The following OR4C12 variants were observed in gnomAD, a reference collection of about 807,000 sequenced individuals.
OR4C12 encodes the protein olfactory receptor family 4 subfamily C member 12.
Under a neutral mutation model 12.3 loss-of-function variants are expected in OR4C12, and 11 were observed. The ratio of observed to expected loss-of-function variants is 0.89; its 90% confidence interval spans 0.56 to 1.48. The LOEUF is 1.48. Among genes scored for constraint, OR4C12 ranks in the 40% most tolerant of loss-of-function variants. The probability of loss-of-function intolerance (pLI) is 0.00; values close to 1 mark genes in which losing one functional copy is unlikely to be tolerated. For missense variants in OR4C12, 414 were observed against 365.8 expected, an observed-to-expected ratio of 1.13 and a Z score of -1.08; for synonymous variants, 138 against 133.2, an observed-to-expected ratio of 1.04 and a Z score of -0.25.
At position 49,982,220 on chromosome 11, in the gene OR4C12, C is replaced by T; in HGVS notation, c.282G>A (p.Gly94=). ...GTTCTGCATAGGCTTGAGCCATACA[C>T]CCATTAAAGGAGATGATTTTCTTCT... ...FQEKKIISFN[G]CMAQAYAEHI... Residue 94 remains glycine (G), a synonymous_variant, in exon 1 of 1, where the codon GGG becomes GGA. Coordinates refer to ENST00000335238, the MANE Select transcript of OR4C12 (RefSeq NM_001005270.4). 1 of 1,614,070 alleles carries T rather than the reference C, an allele frequency of 6.2e-7. No homozygotes were observed. Among genetic ancestry groups the T allele is most frequent in the Non-Finnish European group, 8.5e-7 (1 of 1,179,966 alleles).
At position 49,981,697 on chromosome 11, in the gene OR4C12, C is replaced by G. The variant is rs144357945; in HGVS notation, c.805G>C (p.Val269Leu). The change falls in exon 1 of 1, where the codon GTT (valine) becomes CTT (leucine). Residue 269 changes from valine (V) to leucine (L), a missense_variant. By Grantham distance (32) the Val-to-Leu change is conservative. Coordinates refer to ENST00000335238, the MANE Select transcript of OR4C12 (RefSeq NM_001005270.4). ...ACCACCATAGTATAAAATACAGCAA[C>G]AGCTTTATCAATGGGCAGAGTGGTC... is the stretch of plus-strand genomic sequence containing the variant. The part of the protein sequence containing the change: ...SVTTLPIDKA[V>L]AVFYTMVVPM... 33 of 1,613,470 alleles carry G rather than the reference C, an allele frequency of 2.0e-5. No homozygotes were observed. In the Middle Eastern group the frequency reaches 4.9e-4, roughly 24 times the overall value.
At position 49,982,194 on chromosome 11, in the gene OR4C12, T is replaced by C; in HGVS notation, c.308A>G (p.His103Arg). 2 of 1,614,122 alleles carry C rather than the reference T, an allele frequency of 1.2e-6. No individual in the cohort carries two copies. Among genetic ancestry groups the C allele is most frequent in the Non-Finnish European group, 1.7e-6 (2 of 1,179,984 alleles). ...NGCMAQAYAE[H>R]IFGATEIILL... ...GATGATCTCAGTAGCACCAAAAATG[T>C]GTTCTGCATAGGCTTGAGCCATACA... Residue 103 changes from histidine (H) to arginine (R), a missense_variant, in exon 1 of 1, where the codon CAC becomes CGC. By Grantham distance (29) the His-to-Arg change is conservative. Transcript: ENST00000335238.
In OR4C12 at chr11:49,981,647, G is replaced by A; in HGVS notation, c.855C>T (p.Tyr285=). The A allele has an allele frequency of 6.2e-7, 1 of 1,613,746 alleles. No homozygotes were observed. The highest frequency in any genetic ancestry group is 8.5e-7 in the Non-Finnish European group (1 of 1,179,788). The part of the protein sequence containing the change: ...MVVPMLNPVV[Y]TLRNAEVKSA... ...TTTTTACCTCAGCATTTCTGAGTGTGTAGACCACGGGATTTAACATTGGGA... is the reference window on the plus strand; with the variant it reads ...TTTTTACCTCAGCATTTCTGAGTGTATAGACCACGGGATTTAACATTGGGA... Residue 285 remains tyrosine, a synonymous_variant, in exon 1 of 1, where the codon TAC becomes TAT. Transcript: ENST00000335238.
In OR4C12 at chr11:49,981,811, T is replaced by C; in HGVS notation, c.691A>G (p.Arg231Gly). 6.2e-7 allele frequency: 1 copy of C among 1,612,448 alleles called. No individual in the cohort carries two copies. Among genetic ancestry groups the C allele is most frequent in the Non-Finnish European group, 8.5e-7 (1 of 1,178,800 alleles). Residue 231 changes from arginine to glycine, a missense_variant, in exon 1 of 1, where the codon AGG (arginine) becomes GGG (glycine). Transcript: ENST00000335238. ...RSLKNNSLEG[R>G]CKALSTCISH... ...ATACAGGTGGAGAGGGCTTTACACC[T>C]CCCCTCCAAGCTATTGTTCTTTAAA... is the stretch of plus-strand genomic sequence containing the variant.
At position 49,982,434 on chromosome 11, in the gene OR4C12, T is replaced by G; in HGVS notation, c.68A>C (p.Lys23Thr). The change falls in exon 1 of 1, where the codon AAA (lysine) becomes ACA (threonine). Residue 23 changes from lysine to threonine, a missense_variant. Transcript: ENST00000335238. Reference sequence around the variant, plus strand: ...AACCAAAAATACTACAAACGTGACTTTCTCCATTATGGGGTTCTGTGTAAG... The same window carrying G: ...AACCAAAAATACTACAAACGTGACTGTCTCCATTATGGGGTTCTGTGTAAG... ...IGLTQNPIME[K>T]VTFVVFLVLY... 1 of 1,613,590 alleles carries G rather than the reference T, an allele frequency of 6.2e-7. No homozygotes were observed. The highest frequency in any genetic ancestry group is 8.5e-7 in the Non-Finnish European group (1 of 1,179,550).
chr11:49,981,573 T>G lies in OR4C12; in HGVS notation c.929A>C (p.Ter310SerextTer21). Reference sequence around the variant, plus strand: ...ATGTTGAGTGCTCAATGGTCTTATTTAATCATTATCTGAAGTCACTTTTTT... The same window carrying G: ...ATGTTGAGTGCTCAATGGTCTTATTGAATCATTATCTGAAGTCACTTTTTT... The part of the protein sequence containing the change: ...WRKKVTSDND[*>S] Residue 310 changes from the stop codon to serine, a stop_lost, in exon 1 of 1, where the codon TAA (stop) becomes TCA (serine). Coordinates refer to ENST00000335238, the MANE Select transcript of OR4C12 (RefSeq NM_001005270.4). 1 of 1,581,686 alleles carries G rather than the reference T, an allele frequency of 6.3e-7. No individual in the cohort carries two copies. Among genetic ancestry groups the G allele is most frequent in the Non-Finnish European group, 8.7e-7 (1 of 1,152,610 alleles).
Position 49,981,627 on chromosome 11 carries a change from A to G in OR4C12, c.875T>C (p.Val292Ala), listed in dbSNP as rs1236333452. The change falls in exon 1 of 1, where the codon GTA (valine) becomes GCA (alanine). Residue 292 changes from valine to alanine, a missense_variant. Val to Ala is a moderately conservative substitution (Grantham distance 64). Transcript: ENST00000335238. ...CCAAAGCTTCCTTATTGCACTTTTT[A>G]CCTCAGCATTTCTGAGTGTGTAGAC... ...PVVYTLRNAE[V>A]KSAIRKLWRK... 2 of 1,613,462 alleles carry G rather than the reference A, an allele frequency of 1.2e-6. No homozygotes were observed. Among genetic ancestry groups the G allele is most frequent in the East Asian group, 4.5e-5 (2 of 44,872 alleles).
In OR4C12 at chr11:49,982,412, C is replaced by G. The variant is rs782623755; in HGVS notation, c.90G>C (p.Leu30Phe). ...CTGAAAGTGTTATCATGTAAAGAACCAAAAATACTACAAACGTGACTTTCT... is the reference window on the plus strand; with the variant it reads ...CTGAAAGTGTTATCATGTAAAGAACGAAAAATACTACAAACGTGACTTTCT... ...IMEKVTFVVFLVLYMITLSGN... is the reference protein window; with the variant it reads ...IMEKVTFVVFFVLYMITLSGN... The change falls in exon 1 of 1, where the codon TTG becomes TTC. Residue 30 changes from leucine (L) to phenylalanine (F), a missense_variant. Physicochemically the swap from Leu to Phe is conservative, Grantham distance 22. Coordinates refer to ENST00000335238, the MANE Select transcript of OR4C12 (RefSeq NM_001005270.4). 3 of 1,613,268 alleles carry G rather than the reference C, an allele frequency of 1.9e-6. No homozygotes were observed. The highest frequency in any genetic ancestry group is 2.5e-6 in the Non-Finnish European group (3 of 1,179,444).
rs782605308 is a variant in OR4C12, at chr11:49,982,252, AG to A, written c.249del (p.Gln85LysfsTer29). 9 of 1,614,082 alleles carry A rather than the reference AG, an allele frequency of 5.6e-6. No homozygotes were observed. The East Asian group carries it at 2.0e-4, about 36-fold the overall frequency. ...SSSAPKLIVD[S>X]FQEKKIISFN... is the part of the protein sequence containing the mutation. ...AAGGAGATGATTTTCTTCTCTTGAA[AG>A]GAATCCACAATCAACTTAGGAGCTG... On this transcript the variant is annotated frameshift_variant, in exon 1 of 1. Coordinates refer to ENST00000335238, the MANE Select transcript of OR4C12 (RefSeq NM_001005270.4). LOFTEE classifies it high-confidence loss of function.
rs1555020086 is a variant in OR4C12, at chr11:49,981,793, T to C, written c.709A>G (p.Thr237Ala). ...ACTACTATGATGTGAGAAATACAGGTGGAGAGGGCTTTACACCTCCCCTCC... is the reference window on the plus strand; with the variant it reads ...ACTACTATGATGTGAGAAATACAGGCGGAGAGGGCTTTACACCTCCCCTCC... ...SLEGRCKALS[T>A]CISHIIVVVL... The change falls in exon 1 of 1, where the codon ACC becomes GCC. Residue 237 changes from threonine to alanine, a missense_variant. Thr to Ala is a moderately conservative substitution (Grantham distance 58). Coordinates refer to ENST00000335238, the MANE Select transcript of OR4C12 (RefSeq NM_001005270.4). 6.2e-7 allele frequency: 1 copy of C among 1,613,174 alleles called. No individual in the cohort carries two copies. The highest frequency in any genetic ancestry group is 8.5e-7 in the Non-Finnish European group (1 of 1,179,438).
rs1555020052 is a variant in OR4C12 at position 49,981,713 on chromosome 11, C to T, written c.789G>A (p.Leu263=). 1.2e-6 allele frequency: 2 copies of T among 1,613,680 alleles called. No individual in the cohort carries two copies. The highest frequency in any genetic ancestry group is 8.5e-7 in the Non-Finnish European group (1 of 1,179,828). The change falls in exon 1 of 1, where the codon CTG becomes CTA. Residue 263 remains leucine (L), a synonymous_variant. Coordinates refer to ENST00000335238, the MANE Select transcript of OR4C12 (RefSeq NM_001005270.4). ...ATACAGCAACAGCTTTATCAATGGGCAGAGTGGTCACTGAGCGCAGATACA... is the reference window on the plus strand; with the variant it reads ...ATACAGCAACAGCTTTATCAATGGGTAGAGTGGTCACTGAGCGCAGATACA... ...IFVYLRSVTT[L]PIDKAVAVFY...
rs782635614 is a variant in OR4C12, at chr11:49,982,526, T to A, written c.-25A>T. On this transcript the variant is annotated 5_prime_UTR_variant, in exon 1 of 1. Transcript: ENST00000335238. The stretch of plus-strand genomic sequence containing the variant: ...TCTATGTAGTGTGGGTGATAAAACC[T>A]CCAGGAAGGAATATTTTACCTTTAG... 7.7e-6 allele frequency: 10 copies of A among 1,302,274 alleles called. No individual in the cohort carries two copies. Among genetic ancestry groups the A allele is most frequent in the Non-Finnish European group, 9.7e-6 (9 of 930,442 alleles). 80.7% of individuals were successfully genotyped at this position (1,302,274 alleles called of 1,614,324 possible). A position where few individuals can be genotyped will look rare whatever the true frequency, so the allele number is the denominator to read the frequency against.
Position 49,981,553 on chromosome 11 carries a change from G to C in OR4C12, c.*19C>G, listed in dbSNP as rs1277352417. Reference sequence around the variant, plus strand: ...CTTAAATACCTATTACCTCTATGTTGAGTGCTCAATGGTCTTATTTAATCA... The same window carrying C: ...CTTAAATACCTATTACCTCTATGTTCAGTGCTCAATGGTCTTATTTAATCA... On this transcript the variant is annotated 3_prime_UTR_variant, in exon 1 of 1. Coordinates refer to ENST00000335238, the MANE Select transcript of OR4C12 (RefSeq NM_001005270.4). The C allele has an allele frequency of 3.5e-6, 5 of 1,420,066 alleles. No individual in the cohort carries two copies. In the African/African-American group the frequency reaches 5.7e-5, roughly 16 times the overall value. 88.0% of individuals were successfully genotyped at this position (1,420,066 alleles called of 1,614,324 possible).
Position 49,981,711 on chromosome 11 carries a change from G to T in OR4C12, c.791C>A (p.Pro264His). 1.2e-6 allele frequency: 2 copies of T among 1,613,490 alleles called. No homozygotes were observed. The highest frequency in any genetic ancestry group is 1.7e-6 in the Non-Finnish European group (2 of 1,179,670). The change falls in exon 1 of 1, where the codon CCC (proline) becomes CAC (histidine). Residue 264 changes from proline to histidine, a missense_variant. Physicochemically the swap from Pro to His is moderately conservative, Grantham distance 77 (BLOSUM62 -2). Coordinates refer to ENST00000335238, the MANE Select transcript of OR4C12 (RefSeq NM_001005270.4). ...AAATACAGCAACAGCTTTATCAATG[G>T]GCAGAGTGGTCACTGAGCGCAGATA... ...FVYLRSVTTL[P>H]IDKAVAVFYT...
chr11:49,981,890 G>C lies in OR4C12; in HGVS notation c.612C>G (p.Ile204Met). ...GLFVAVNSGF[I>M]CLLNFLILVV... ...CCAAGATAAGGAAGTTTAATAAGCA[G>C]ATAAACCCACTGTTCACAGCAACAA... The change falls in exon 1 of 1, where the codon ATC (isoleucine) becomes ATG (methionine). Residue 204 changes from isoleucine (I) to methionine (M), a missense_variant. Ile to Met is a conservative substitution (Grantham distance 10, BLOSUM62 1). Transcript: ENST00000335238. The C allele has an allele frequency of 4.3e-6, 7 of 1,614,028 alleles. No homozygotes were observed. The highest frequency in any genetic ancestry group is 5.9e-6 in the Non-Finnish European group (7 of 1,179,954).
In OR4C12 at chr11:49,981,779, G is replaced by A; in HGVS notation, c.723C>T (p.His241=). The A allele has an allele frequency of 6.2e-7, 1 of 1,613,776 alleles. No individual in the cohort carries two copies. The highest frequency in any genetic ancestry group is 8.5e-7 in the Non-Finnish European group (1 of 1,179,796). The change falls in exon 1 of 1, where the codon CAC becomes CAT. Residue 241 remains histidine, a synonymous_variant. Coordinates refer to ENST00000335238, the MANE Select transcript of OR4C12 (RefSeq NM_001005270.4). ...RCKALSTCIS[H]IIVVVLFFVP... ...CAAAGAATAAGACAACTACTATGATGTGAGAAATACAGGTGGAGAGGGCTT... is the reference window on the plus strand; with the variant it reads ...CAAAGAATAAGACAACTACTATGATATGAGAAATACAGGTGGAGAGGGCTT...
rs147181422 is a variant in OR4C12, at chr11:49,981,892, T to G, written c.610A>C (p.Ile204Leu). 1.4e-4 allele frequency: 230 copies of G among 1,613,988 alleles called. No homozygotes were observed. In the African/African-American group the frequency reaches 2.8e-3, roughly 19 times the overall value. The change falls in exon 1 of 1, where the codon ATC becomes CTC. Residue 204 changes from isoleucine (I) to leucine (L), a missense_variant. Transcript: ENST00000335238. ...GLFVAVNSGF[I>L]CLLNFLILVV... ...AAGATAAGGAAGTTTAATAAGCAGA[T>G]AAACCCACTGTTCACAGCAACAAAG...
rs1555020347 is a variant in OR4C12 at position 49,982,446 on chromosome 11, G to C, written c.56C>G (p.Pro19Arg). 6.2e-7 allele frequency: 1 copy of C among 1,613,100 alleles called. No homozygotes were observed. Among genetic ancestry groups the C allele is most frequent in the African/African-American group, 1.3e-5 (1 of 74,822 alleles). ...TACAAACGTGACTTTCTCCATTATG[G>C]GGTTCTGTGTAAGACCTATTAAAAT... ...EFILIGLTQNPIMEKVTFVVF... is the reference protein window; with the variant it reads ...EFILIGLTQNRIMEKVTFVVF... The change falls in exon 1 of 1, where the codon CCC (proline) becomes CGC (arginine). Residue 19 changes from proline to arginine, a missense_variant. Pro to Arg is a moderately radical substitution (Grantham distance 103). Transcript: ENST00000335238.
Position 49,981,998 on chromosome 11 carries a change from G to A in OR4C12, c.504C>T (p.Gly168=). 2.5e-6 allele frequency: 4 copies of A among 1,614,124 alleles called. No individual in the cohort carries two copies. The highest frequency in any genetic ancestry group is 3.4e-6 in the Non-Finnish European group (4 of 1,179,984). Residue 168 remains glycine, a synonymous_variant, in exon 1 of 1, where the codon GGC becomes GGT. Coordinates refer to ENST00000335238, the MANE Select transcript of OR4C12 (RefSeq NM_001005270.4). ...ACATGAAGTGGCCTATGACATTGGG[G>A]CCACAGAAGGGCAGCCATACTGTAA... ...ILFTVWLPFC[G]PNVIGHFMCD... is the part of the protein sequence containing the mutation.
Sources: gnomAD v4.1 joint callset for allele counts on GRCh38, gnomAD v4.1.1 for gene constraint, MANE v1.5 for transcripts, NCBI Gene and HGNC (gene_info 2026-07-23, HGNC 2026-07-21) for gene names.